ZNF721: variants seen among roughly 807,000 people sequenced by gnomAD.
ZNF721 encodes the protein zinc finger protein 721.
ZNF721 carries 2 observed loss-of-function variants against 2.4 expected under a neutral mutation model. The ratio of observed to expected loss-of-function variants is 0.82; its 90% CI spans 0.34 to 2.58. The LOEUF (loss-of-function observed/expected upper bound fraction) is 2.58, where lower values mean the gene tolerates loss of function less well. Ranked by LOEUF, ZNF721 falls within the 30% of genes most tolerant of loss-of-function variation. ZNF721 has a pLI of 0.11. For missense variants in ZNF721, 1,187 were observed against 1,085.5 expected, an observed-to-expected ratio of 1.09 and a Z score of -1.31; for synonymous variants, 398 against 381.8, an observed-to-expected ratio of 1.04 and a Z score of -0.50.
intron 2 of ZNF721, among the ~76,000 whole-genome samples, chr4:457,618 T>C (rs1374455357): frequency 3.9e-5 from 6 of 152,128 alleles, no homozygotes; most frequent in African/African-American, 1.4e-4. Flanking sequence ...CCTTTGCACA[T>C]ATCAGTCATG....
chr4:470,154 T>C (rs1553867391), intron 2 of ZNF721, among the ~76,000 whole-genome samples: 1 of 152,198 alleles, frequency 6.6e-6, no homozygotes, highest in African/African-American at 2.4e-5. Context: ...AGTGCTGGGA[T>C]TACAGGCGTG....
At position 491,950 on chromosome 4, in the gene ZNF721, C is replaced by A. The variant is rs369048708; in HGVS notation, c.-94+7106G>T. Among the ~76,000 whole-genome samples the A allele has an allele frequency of 2.2e-4, 33 of 151,630 alleles. 1 individual carries two copies. The South Asian group carries it at 4.0e-3, about 18-fold the overall frequency. The stretch of plus-strand genomic sequence containing the variant: ...CAGGCAGATCACGAGGTCAGGAGAT[C>A]GAGACCATCCTGGCTAACACTGTGA... On this transcript the variant is annotated intron_variant, in intron 1 of 2. Coordinates refer to ENST00000511833, the MANE Select transcript of ZNF721 (RefSeq NM_133474.4).
chr4:441,811 T>A lies in ZNF721; in HGVS notation c.2656A>T (p.Ile886Phe). Residue 886 changes from isoleucine (I) to phenylalanine (F), a missense_variant, in exon 3 of 3, where the codon ATT (isoleucine) becomes TTT (phenylalanine). By Grantham distance (21) the Ile-to-Phe change is conservative. Coordinates refer to ENST00000511833, the MANE Select transcript of ZNF721 (RefSeq NM_133474.4). ...QSANLYAHKKIHTGEKPYTCG... is the reference protein window; with the variant it reads ...QSANLYAHKKFHTGEKPYTCG... ...GTGTAGGGTTTCTCTCCAGTATGAATTTTCTTATGCGCATAAAGATTTGCA... is the reference window on the plus strand; with the variant it reads ...GTGTAGGGTTTCTCTCCAGTATGAAATTTCTTATGCGCATAAAGATTTGCA... The A allele has an allele frequency of 6.2e-7, 1 of 1,614,014 alleles. No homozygotes were observed. The highest frequency in any genetic ancestry group is 8.5e-7 in the Non-Finnish European group (1 of 1,179,970).
rs1714388921 is a variant in ZNF721 at position 444,161 on chromosome 4, T to C, written c.306A>G (p.Arg102=). The change falls in exon 3 of 3, where the codon AGA becomes AGG. Residue 102 remains arginine (R), a synonymous_variant. Transcript: ENST00000511833. Reference sequence around the variant, plus strand: ...ATTTAAAGTGTTTCTCTCCAGTATGTCTTGTCTTATCTTTGTTTGAATTTG... The same window carrying C: ...ATTTAAAGTGTTTCTCTCCAGTATGCCTTGTCTTATCTTTGTTTGAATTTG... The part of the protein sequence containing the change: ...KFANSNKDKT[R]HTGEKHFKCN... 6.2e-7 allele frequency: 1 copy of C among 1,613,872 alleles called. No homozygotes were observed.
chr4:479,174 T>C (rs1553869034), intron 1 of ZNF721, among the ~76,000 whole-genome samples: 2 of 152,204 alleles, frequency 1.3e-5, no homozygotes, highest in Non-Finnish European at 1.5e-5. Flanking sequence ...AACTCCAAGA[T>C]GAAGCTGCTG....
intron 1 of ZNF721, chr4:474,034 C>G (rs879974558): frequency 4.0e-6 from 6 of 1,494,824 alleles, no homozygotes; most frequent in African/African-American, 1.4e-5. Context: ...CATCCAATAC[C>G]CGCAGGTTAC....
intron 2 of ZNF721, among the ~76,000 whole-genome samples, chr4:459,830 C>CAA (rs561152957): frequency 8.3e-6 from 1 of 121,084 alleles, no homozygotes; most frequent in Admixed American, 8.7e-5. Context: ...GACTCCGTCT[C>CAA]AAAAAAAAAA....
intron 2 of ZNF721, among the ~76,000 whole-genome samples, chr4:455,836 G>A (rs1714829033): frequency 1.3e-5 from 2 of 152,012 alleles, no homozygotes; most frequent in Admixed American, 1.3e-4. Flanking sequence ...AACCCCACTA[G>A]ACTGTACACT....
rs1716536501 is a variant in ZNF721 at position 499,119 on chromosome 4, C to A, written c.-157G>T. The A allele has an allele frequency of 3.5e-6, 2 of 574,050 alleles. No individual in the cohort carries two copies. The highest frequency in any genetic ancestry group is 2.0e-5 in the African/African-American group (1 of 51,126). The allele number at this position is 574,050 out of a possible 1,614,324, so 35.6% of individuals were successfully genotyped here. A position where few individuals can be genotyped will look rare whatever the true frequency, so the allele number is the denominator to read the frequency against. The stretch of plus-strand genomic sequence containing the variant: ...GACGGCCCCACGGAGCCGGGAACAC[C>A]GCCCGCTGTTCGTATGTCCGAGGTG... On this transcript the variant is annotated 5_prime_UTR_variant, in exon 1 of 3. Coordinates refer to ENST00000511833, the MANE Select transcript of ZNF721 (RefSeq NM_133474.4).
chr4:471,259 A>T (rs1296132168), intron 2 of ZNF721, among the ~76,000 whole-genome samples: 1 of 152,242 alleles, frequency 6.6e-6, no homozygotes, highest in Non-Finnish European at 1.5e-5. Context: ...TCATACTACC[A>T]AAGGAAATTA....
At chr4:461,693 T>C (rs1463105096) in intron 2 of ZNF721, among the ~76,000 whole-genome samples, 2 of 152,026 alleles carry the variant, frequency 1.3e-5, no homozygotes, top group African/African-American at 4.8e-5. Context: ...ACCAATATGG[T>C]GAAACCCTGT....
rs557092935 is a variant in ZNF721, at chr4:451,481, A to AC, written c.35-7050dup. Among the ~76,000 whole-genome samples, 270 of 148,972 alleles carry AC rather than the reference A, an allele frequency of 1.8e-3. 9 individuals are homozygous for AC. Among genetic ancestry groups the AC allele is most frequent in the Middle Eastern group, 6.9e-3 (2 of 288 alleles). On this transcript the variant is annotated intron_variant, in intron 2 of 2. Transcript: ENST00000511833. Reference sequence around the variant, plus strand: ...TCATAGCATGACGAAGCTTCATGAGACCCCTCCTCGTCTGTGCACAGATGG... The same window carrying AC: ...TCATAGCATGACGAAGCTTCATGAGACCCCCTCCTCGTCTGTGCACAGATGG...
chr4:496,574 G>C lies in ZNF721; in HGVS notation c.-94+2482C>G, dbSNP rs538477907. Among the ~76,000 whole-genome samples, 3 of 152,198 alleles carry C rather than the reference G, an allele frequency of 2.0e-5. No individual in the cohort carries two copies. The East Asian group carries it at 5.8e-4, about 29-fold the overall frequency. On this transcript the variant is annotated intron_variant, in intron 1 of 2. Coordinates refer to ENST00000511833, the MANE Select transcript of ZNF721 (RefSeq NM_133474.4). ...AGAGGGGAAGATTCTACACTCATGA[G>C]CTAGAGGGTTTGGAGTTGGTCAAAT...
chr4:459,664 T>C (rs1553865820), intron 2 of ZNF721, among the ~76,000 whole-genome samples: 1 of 152,052 alleles, frequency 6.6e-6, no homozygotes, highest in Non-Finnish European at 1.5e-5. Flanking sequence ...ACCCCGTCTC[T>C]ACTAAAAATA....
intron 1 of ZNF721, among the ~76,000 whole-genome samples, chr4:494,646 T>C (rs537886104): frequency 5.9e-5 from 9 of 152,246 alleles, no homozygotes; most frequent in Middle Eastern, 3.4e-3. Flanking sequence ...ATAGCAAAAT[T>C]TTCATCATAA....
chr4:442,790 A>C lies in ZNF721; in HGVS notation c.1677T>G (p.Cys559Trp). The C allele has an allele frequency of 1.2e-6, 2 of 1,614,020 alleles. No homozygotes were observed. Among genetic ancestry groups the C allele is most frequent in the Non-Finnish European group, 1.7e-6 (2 of 1,179,964 alleles). ...GTCTAAAGGTTTTGCCACATTCTTC[A>C]CATGTGTAGGGTTTCTCTCCAGTAT... ...RIHTGEKPYT[C>W]EECGKTFRQS... The change falls in exon 3 of 3, where the codon TGT becomes TGG. Residue 559 changes from cysteine (C) to tryptophan (W), a missense_variant. Coordinates refer to ENST00000511833, the MANE Select transcript of ZNF721 (RefSeq NM_133474.4).
Position 441,703 on chromosome 4 carries a change from G to A in ZNF721, c.2764C>T (p.Gln922Ter), listed in dbSNP as rs369811107. 99 of 1,605,866 alleles carry A rather than the reference G, an allele frequency of 6.2e-5. No individual in the cohort carries two copies. The highest frequency in any genetic ancestry group is 8.3e-5 in the Non-Finnish European group (97 of 1,175,272). Residue 922 changes from glutamine to a stop codon, truncating the protein, a stop_gained, in exon 3 of 3, where the codon CAA becomes TAA. Transcript: ENST00000511833. LOFTEE classifies it high-confidence loss of function. ...KKIHTGDKTI[Q>*]V ...AGGCTTTGCCACATTCTTTACACTT[G>A]TATGGTTTTATCTCCAGTATGAATT...
Position 441,651 on chromosome 4 carries a change from G to A in ZNF721, c.*44C>T. 1 of 1,490,720 alleles carries A rather than the reference G, an allele frequency of 6.7e-7. No homozygotes were observed. Among genetic ancestry groups the A allele is most frequent in the Non-Finnish European group, 9.1e-7 (1 of 1,104,384 alleles). 92.3% of individuals were successfully genotyped at this position (1,490,720 alleles called of 1,614,324 possible). ...ATTCCCCTGGTATGAGTTCTCTTAT[G>A]TTTAAGAATGCTGTAGTATGACTTA... On this transcript the variant is annotated 3_prime_UTR_variant, in exon 3 of 3. Transcript: ENST00000511833.
chr4:451,741 G>C (rs1714667370), intron 2 of ZNF721, among the ~76,000 whole-genome samples: 2 of 152,188 alleles, frequency 1.3e-5, no homozygotes, highest in South Asian at 4.1e-4. Context: ...TTCCTGCACA[G>C]AACATTTTGG....
Sources: allele counts gnomAD v4.1 joint callset (sites outside exome capture counted in the v4.1 genomes callset), GRCh38; gene constraint gnomAD v4.1.1; transcripts MANE v1.5; gene names NCBI Gene and HGNC (gene_info 2026-07-23, HGNC 2026-07-21).